The following LPXN variants were observed in gnomAD, a reference collection of about 807,000 sequenced individuals.
LPXN encodes the protein leupaxin.
A neutral mutation model predicts 45.6 loss-of-function variants in LPXN; 28 were observed. The ratio of observed to expected loss-of-function variants is 0.61; its 90% CI spans 0.45 to 0.84. LPXN has a LOEUF of 0.84. LPXN is among the 40% of genes least tolerant of loss of function. The pLI is 0.00. For missense variants in LPXN, 459 were observed against 475.0 expected (o/e 0.97, Z 0.31); for synonymous variants, 166 against 169.9 (o/e 0.98, Z 0.18).
upstream of LPXN, among the ~76,000 whole-genome samples, chr11:58,578,760 G>T (rs1011986533): frequency 6.6e-6 from 1 of 151,948 alleles, no homozygotes; most frequent in African/African-American, 2.4e-5. Flanking sequence ...CGTGAGGCGG[G>T]GAAAGAGGTG....
At chr11:58,577,528 G>A (rs1180248510), upstream of LPXN, among the ~76,000 whole-genome samples, 4 of 152,168 alleles carry the variant, frequency 2.6e-5, no homozygotes, top group African/African-American at 7.2e-5. Flanking sequence ...GGTAAAGGAT[G>A]TTCTTGCAAA....
intron 3 of LPXN, among the ~76,000 whole-genome samples, chr11:58,555,259 C>T (rs567306199): frequency 6.6e-6 from 1 of 152,166 alleles, no homozygotes. Context: ...TGGATCAAAT[C>T]TGGCCATGTC....
chr11:58,563,505 C>T (rs1019696118), intron 3 of LPXN, among the ~76,000 whole-genome samples: 1 of 152,188 alleles, frequency 6.6e-6, no homozygotes, highest in African/African-American at 2.4e-5. Context: ...ATATTTTATG[C>T]TCTTTAATTT....
intron 7 of LPXN, among the ~76,000 whole-genome samples, chr11:58,532,847 C>T (rs1853435253): frequency 6.6e-6 from 1 of 152,218 alleles, no homozygotes; most frequent in Non-Finnish European, 1.5e-5. Flanking sequence ...TTTGTTCTTT[C>T]ACTCTTTGCA....
intron 3 of LPXN, among the ~76,000 whole-genome samples, chr11:58,555,792 G>A (rs1366487129): frequency 7.0e-6 from 1 of 143,560 alleles, no homozygotes; most frequent in Non-Finnish European, 1.5e-5. Flanking sequence ...ACACACACAC[G>A]CCTTTGGGAG....
At chr11:58,565,933 G>A (rs1854515337) in intron 2 of LPXN, among the ~76,000 whole-genome samples, 2 of 152,094 alleles carry the variant, frequency 1.3e-5, no homozygotes, top group South Asian at 4.1e-4. Flanking sequence ...AGGAGGCGGA[G>A]GTTGCAGCGA....
chr11:58,527,431 A>G lies in LPXN; in HGVS notation c.*23T>C. On this transcript the variant is annotated 3_prime_UTR_variant, in exon 9 of 9. Coordinates refer to ENST00000395074, the MANE Select transcript of LPXN (RefSeq NM_004811.3). ...TGGTTTAAATTTTATAAGGAATCTG[A>G]AGAGGCTATGGATCAGTTGGCATTA... 1.9e-6 allele frequency: 3 copies of G among 1,610,398 alleles called. No individual in the cohort carries two copies. Among genetic ancestry groups the G allele is most frequent in the Non-Finnish European group, 2.5e-6 (3 of 1,176,894 alleles).
chr11:58,538,016 T>C (rs1409494282), intron 7 of LPXN, among the ~76,000 whole-genome samples: 2 of 147,872 alleles, frequency 1.4e-5, no homozygotes, highest in Non-Finnish European at 1.5e-5. Context: ...AGTGAGAACA[T>C]GTGGCGTTTG....
chr11:58,563,451 G>T (rs181790217), intron 3 of LPXN, among the ~76,000 whole-genome samples: 1 of 152,254 alleles, frequency 6.6e-6, no homozygotes, highest in Admixed American at 6.5e-5. Flanking sequence ...AACCAAATAA[G>T]GTGTGATCTA....
At chr11:58,543,357 T>A (rs1352653509) in intron 7 of LPXN, among the ~76,000 whole-genome samples, 1 of 152,080 alleles carries the variant, frequency 6.6e-6, no homozygotes, top group African/African-American at 2.4e-5. Flanking sequence ...CAATTTAGAG[T>A]CTCACTTCAG....
chr11:58,565,202 C>T (rs182894036), intron 2 of LPXN, among the ~76,000 whole-genome samples: 21 of 151,232 alleles, frequency 1.4e-4, no homozygotes, highest in South Asian at 1.3e-3. Context: ...TTTGGGCAGC[C>T]GAGGCAGACG....
chr11:58,561,057 T>A (rs975915804), intron 3 of LPXN, among the ~76,000 whole-genome samples: 1 of 152,178 alleles, frequency 6.6e-6, no homozygotes, highest in Non-Finnish European at 1.5e-5. Context: ...ATCATGTTTG[T>A]AATCAACATT....
intron 2 of LPXN, among the ~76,000 whole-genome samples, chr11:58,567,552 A>G (rs1854561095): frequency 6.6e-6 from 1 of 152,236 alleles, no homozygotes; most frequent in Non-Finnish European, 1.5e-5. Context: ...GTTATTTGAT[A>G]CTAATGGGAA....
chr11:58,535,932 C>A (rs1268287250), intron 7 of LPXN, among the ~76,000 whole-genome samples: 1 of 152,132 alleles, frequency 6.6e-6, no homozygotes, highest in Non-Finnish European at 1.5e-5. Context: ...GAATTAAATA[C>A]CTTGGAATAC....
At chr11:58,564,765 A>G (rs1366576061) in intron 2 of LPXN, among the ~76,000 whole-genome samples, 1 of 152,256 alleles carries the variant, frequency 6.6e-6, no homozygotes, top group Non-Finnish European at 1.5e-5. Flanking sequence ...TAATAAAGAA[A>G]TTGGTATGTA....
rs1293263363 is a variant in LPXN, at chr11:58,551,180, T to C, written c.371A>G (p.His124Arg). 6.2e-7 allele frequency: 1 copy of C among 1,611,994 alleles called. No individual in the cohort carries two copies. Among genetic ancestry groups the C allele is most frequent in the South Asian group, 1.1e-5 (1 of 90,740 alleles). ...GKKHLPDKQD[H>R]KASLDSMLGG... ...AAGCATTGAGTCCAGGGAGGCCTTG[T>C]GATCCTGCTTGTCTGGTAAGTGCTT... Residue 124 changes from histidine (H) to arginine (R), a missense_variant, in exon 5 of 9, where the codon CAC (histidine) becomes CGC (arginine). By Grantham distance (29) the His-to-Arg change is conservative. Transcript: ENST00000395074.
At chr11:58,565,391 G>C (rs183302184) in intron 2 of LPXN, among the ~76,000 whole-genome samples, 1 of 152,186 alleles carries the variant, frequency 6.6e-6, no homozygotes, top group East Asian at 1.9e-4. Flanking sequence ...AATTTAGCTG[G>C]GAGTGGTGTT....
At chr11:58,556,701 CT>C (rs1229896981) in intron 3 of LPXN, among the ~76,000 whole-genome samples, 1 of 152,056 alleles carries the variant, frequency 6.6e-6, no homozygotes, top group Non-Finnish European at 1.5e-5. Context: ...GAAACAGTCT[CT>C]TTCTTATTGA....
rs765582592 is a variant in LPXN, at chr11:58,549,773, A to C, written c.742+13T>G. 1 of 1,613,426 alleles carries C rather than the reference A, an allele frequency of 6.2e-7. No individual in the cohort carries two copies. The highest frequency in any genetic ancestry group is 1.3e-5 in the African/African-American group (1 of 74,914). The stretch of plus-strand genomic sequence containing the variant: ...CTGGGGTGTGGGATACAGCCTCTCA[A>C]GTCGGGTCATACCTTCTGCACCAAA... On this transcript the variant is annotated intron_variant, in intron 7 of 8. Coordinates refer to ENST00000395074, the MANE Select transcript of LPXN (RefSeq NM_004811.3).
Sources: gnomAD v4.1 joint callset for allele counts (sites outside exome capture counted in the v4.1 genomes callset) on GRCh38, gnomAD v4.1.1 for gene constraint, MANE v1.5 for transcripts, NCBI Gene and HGNC (gene_info 2026-07-23, HGNC 2026-07-21) for gene names.